Variants in ADAMTSL3 observed in about 807,000 individuals in gnomAD.
ADAMTSL3 encodes the protein ADAMTS like 3.
Under a neutral mutation model 201.7 loss-of-function variants are expected in ADAMTSL3, and 128 were observed. The observed-to-expected ratio is 0.63, with a 90% CI of 0.55 to 0.73. ADAMTSL3 has a LOEUF of 0.73. Among genes scored for constraint, ADAMTSL3 ranks in the 30% least tolerant of loss-of-function variants. The pLI, the probability that ADAMTSL3 is intolerant of heterozygous loss-of-function variation, is 0.00. For synonymous variants in ADAMTSL3, 738 were observed against 748.4 expected (o/e 0.99, Z 0.23); for missense variants, 1,990 against 2,119.6 (o/e 0.94, Z 1.20).
chr15:83,719,737 G>GTAAAAGA (rs1555433846), intron 3 of ADAMTSL3, among the ~76,000 whole-genome samples: 1 of 152,014 alleles, frequency 6.6e-6, no homozygotes, highest in East Asian at 1.9e-4. Context: ...ATAGTAAAAG[G>GTAAAAGA]TAAAAGATAA....
chr15:83,666,446 A>C (rs958346387), intron 2 of ADAMTSL3, among the ~76,000 whole-genome samples: 1 of 152,220 alleles, frequency 6.6e-6, no homozygotes, highest in Non-Finnish European at 1.5e-5. Flanking sequence ...AGTTGCCACT[A>C]TAAGATTAAG....
intron 6 of ADAMTSL3, among the ~76,000 whole-genome samples, chr15:83,831,734 C>T (rs937607334): frequency 1.1e-4 from 17 of 152,070 alleles, no homozygotes; most frequent in African/African-American, 4.1e-4. Flanking sequence ...AGTTGCAGCC[C>T]AGCTTCCCCT....
intron 4 of ADAMTSL3, among the ~76,000 whole-genome samples, chr15:83,775,159 T>C (rs997321150): frequency 6.6e-6 from 1 of 152,204 alleles, no homozygotes; most frequent in Non-Finnish European, 1.5e-5. Context: ...GGGCTTCTTA[T>C]GTCAAGGGTG....
Position 83,983,144 on chromosome 15 carries a change from C to T in ADAMTSL3, c.3516C>T (p.Phe1172=), listed in dbSNP as rs148294426. ...SHAKNSGKLT[F]KPKGPVLMRQ... ...CAAAAAACTCAGGCAAGCTGACATT[C>T]AAGCCGAAAGGACCTGTTCTCATGA... The change falls in exon 21 of 30, where the codon TTC becomes TTT. Residue 1172 remains phenylalanine (F), a synonymous_variant. Coordinates refer to ENST00000286744, the MANE Select transcript of ADAMTSL3 (RefSeq NM_207517.3). 3 of 1,613,734 alleles carry T rather than the reference C, an allele frequency of 1.9e-6. No individual in the cohort carries two copies. The highest frequency in any genetic ancestry group is 2.5e-6 in the Non-Finnish European group (3 of 1,179,864).
chr15:83,722,748 C>T (rs1039711932), intron 3 of ADAMTSL3, among the ~76,000 whole-genome samples: 5 of 152,134 alleles, frequency 3.3e-5, no homozygotes, highest in South Asian at 2.1e-4. Context: ...CTGAGAGGAC[C>T]TCACATTCTT....
chr15:84,037,754 G>A lies in ADAMTSL3; in HGVS notation c.5024G>A (p.Cys1675Tyr). The A allele has an allele frequency of 6.2e-7, 1 of 1,613,776 alleles. No individual in the cohort carries two copies. The highest frequency in any genetic ancestry group is 8.5e-7 in the Non-Finnish European group (1 of 1,179,892). The change falls in exon 30 of 30, where the codon TGT (cysteine) becomes TAT (tyrosine). Residue 1675 changes from cysteine (C) to tyrosine (Y), a missense_variant. Physicochemically the swap from Cys to Tyr is radical, Grantham distance 194 (BLOSUM62 -2). Transcript: ENST00000286744. ...ATGTTTGTAAAACATCTTAATTTGT[G>A]TTCTCTAGACCGCTACAAACAAAGG... ...YCMFVKHLNL[C>Y]SLDRYKQRCC...
At chr15:83,880,268 T>C (rs1446120978) in intron 9 of ADAMTSL3, among the ~76,000 whole-genome samples, 1 of 152,166 alleles carries the variant, frequency 6.6e-6, no homozygotes, top group East Asian at 1.9e-4. Context: ...CCTTTACCTG[T>C]ATCCAATTTG....
chr15:83,910,836 C>T (rs1461855806), intron 15 of ADAMTSL3, among the ~76,000 whole-genome samples: 4 of 150,404 alleles, frequency 2.7e-5, no homozygotes, highest in East Asian at 2.0e-4. Context: ...GACGGAGTTT[C>T]GCCATGTTGG....
intron 2 of ADAMTSL3, among the ~76,000 whole-genome samples, chr15:83,687,731 C>A (rs1220385280): frequency 1.3e-5 from 2 of 152,080 alleles, no homozygotes; most frequent in African/African-American, 2.4e-5. Flanking sequence ...ATGAAAGCAG[C>A]ACACCTAGGG....
intron 2 of ADAMTSL3, among the ~76,000 whole-genome samples, chr15:83,667,519 T>A (rs1313387234): frequency 2.1e-5 from 1 of 47,806 alleles, no homozygotes; most frequent in East Asian, 8.7e-4. Context: ...TTATGAAGGT[T>A]TTTTTTTTTT....
intron 3 of ADAMTSL3, among the ~76,000 whole-genome samples, chr15:83,730,109 T>C: frequency 6.6e-6 from 1 of 152,074 alleles, no homozygotes; most frequent in East Asian, 1.9e-4. Context: ...AGCGTGATGA[T>C]TCAGGGACAG....
intron 2 of ADAMTSL3, among the ~76,000 whole-genome samples, chr15:83,690,862 T>G (rs1369830430): frequency 6.6e-6 from 1 of 152,210 alleles, no homozygotes; most frequent in Non-Finnish European, 1.5e-5. Flanking sequence ...TCTTACAGTT[T>G]AAAGAACACT....
At chr15:83,671,035 A>G (rs901994706) in intron 2 of ADAMTSL3, among the ~76,000 whole-genome samples, 1 of 150,828 alleles carries the variant, frequency 6.6e-6, no homozygotes, top group African/African-American at 2.4e-5. Context: ...GTACTTGGCC[A>G]TGATATATTG....
chr15:83,971,824 A>T (rs1163551620), intron 20 of ADAMTSL3, among the ~76,000 whole-genome samples: 1 of 149,626 alleles, frequency 6.7e-6, no homozygotes, highest in African/African-American at 2.4e-5. Context: ...GTAAGGAAAA[A>T]AATTAAAAAT....
intron 2 of ADAMTSL3, among the ~76,000 whole-genome samples, chr15:83,692,837 GA>G (rs1354065750): frequency 1.3e-5 from 2 of 152,130 alleles, no homozygotes; most frequent in East Asian, 3.9e-4. Context: ...ACGTTTTTCG[GA>G]GTATGTGCAA....
At chr15:83,888,460 A>G (rs2141880136) in intron 10 of ADAMTSL3, among the ~76,000 whole-genome samples, 1 of 152,310 alleles carries the variant, frequency 6.6e-6, no homozygotes, top group East Asian at 1.9e-4. Flanking sequence ...TTTGGGGAAA[A>G]TAAAACACAC....
intron 3 of ADAMTSL3, among the ~76,000 whole-genome samples, chr15:83,719,800 C>T (rs902310273): frequency 6.6e-6 from 1 of 152,160 alleles, no homozygotes; most frequent in Non-Finnish European, 1.5e-5. Context: ...CTCAACTTTG[C>T]TGTGAATTGG....
At chr15:83,891,899 A>T (rs1255579631) in intron 12 of ADAMTSL3, among the ~76,000 whole-genome samples, 2 of 152,234 alleles carry the variant, frequency 1.3e-5, no homozygotes, top group African/African-American at 4.8e-5. Flanking sequence ...CCTTGTGACA[A>T]GAATTTGTGT....
chr15:83,812,269 C>T (rs1388167319), intron 5 of ADAMTSL3, among the ~76,000 whole-genome samples: 1 of 152,188 alleles, frequency 6.6e-6, no homozygotes, highest in Admixed American at 6.5e-5. Flanking sequence ...TTCTGATGAG[C>T]ATCCCCCTGC....
Sources: allele counts gnomAD v4.1 joint callset (sites outside exome capture counted in the v4.1 genomes callset), GRCh38; gene constraint gnomAD v4.1.1; transcripts MANE v1.5; gene names NCBI Gene and HGNC (gene_info 2026-07-23, HGNC 2026-07-21).